The following TRARG1 variants were observed in gnomAD, a reference collection of about 807,000 sequenced individuals.
TRARG1 encodes trafficking regulator of GLUT4 (SLC2A4) 1 (gene/pseudogene).
In TRARG1, 16 loss-of-function variants were observed where a neutral mutation model predicts 13.3. That is an observed-to-expected ratio of 1.20 (90% CI 0.81 to 1.83). The LOEUF is 1.83. TRARG1 is among the 40% of genes most tolerant of loss of function. The pLI, the probability that TRARG1 is intolerant of heterozygous loss-of-function variation, is 0.00. For synonymous variants in TRARG1, 113 were observed against 106.2 expected (o/e 1.06, Z -0.39); for missense variants, 250 against 237.4 (o/e 1.05, Z -0.35).
chr17:1,282,284 A>ACATATATGTACGTATATGTACATATGCG (rs1555630865), intron 1 of TRARG1, among the ~76,000 whole-genome samples: 48 of 139,780 alleles, frequency 3.4e-4, no homozygotes, highest in Admixed American at 6.8e-4. Flanking sequence ...ACGTATATGT[A>ACATATATGTACGTATATGTACATATGCG]CATATATGTA....
rs551771686 is a variant in TRARG1 at position 1,295,672 on chromosome 17, G to A, written c.520+49G>A. Reference sequence around the variant, plus strand: ...GAGGAAGCCAGCTTGCCTGGTGTGAGGACTGCTCAAGGGTGTACCCAGCCT... The same window carrying A: ...GAGGAAGCCAGCTTGCCTGGTGTGAAGACTGCTCAAGGGTGTACCCAGCCT... On this transcript the variant is annotated intron_variant, in intron 2 of 2. Coordinates refer to ENST00000333813, the MANE Select transcript of TRARG1 (RefSeq NM_172367.3). 2.3e-5 allele frequency: 37 copies of A among 1,580,292 alleles called. 1 individual carries two copies. The African/African-American group carries it at 4.7e-4, about 20-fold the overall frequency.
Position 1,279,880 on chromosome 17 carries a change from T to C in TRARG1, c.-122T>C, listed in dbSNP as rs140037375. ...AGCACCCAGCCGGCCCTCCGTCTCCTGAGGGACGCCCCTGCCCCCGACCTG... is the reference window on the plus strand; with the variant it reads ...AGCACCCAGCCGGCCCTCCGTCTCCCGAGGGACGCCCCTGCCCCCGACCTG... On this transcript the variant is annotated 5_prime_UTR_variant, in exon 1 of 3. Coordinates refer to ENST00000333813, the MANE Select transcript of TRARG1 (RefSeq NM_172367.3). The C allele has an allele frequency of 0.022, 26,969 of 1,208,472 alleles. 369 individuals carry two copies. Among genetic ancestry groups the C allele is most frequent in the Non-Finnish European group, 0.025 (22,398 of 883,598 alleles). The allele number at this position is 1,208,472 out of a possible 1,614,324, so 74.9% of individuals were successfully genotyped here. A position where few individuals can be genotyped will look rare whatever the true frequency, so the allele number is the denominator to read the frequency against.
At position 1,298,231 on chromosome 17, in the gene TRARG1, T is replaced by A. The variant is rs551237563; in HGVS notation, c.521-20T>A. 4 of 1,613,830 alleles carry A rather than the reference T, an allele frequency of 2.5e-6. No homozygotes were observed. In the African/African-American group the frequency reaches 5.3e-5, roughly 22 times the overall value. The stretch of plus-strand genomic sequence containing the variant: ...GTGTTCTGAGCCCTGTTCTGCCATA[T>A]CTGTTTTTTTTCTTTACAGTTCAGA... On this transcript the variant is annotated intron_variant, in intron 2 of 2. Coordinates refer to ENST00000333813, the MANE Select transcript of TRARG1 (RefSeq NM_172367.3).
chr17:1,288,833 G>A (rs1405191331), intron 1 of TRARG1, among the ~76,000 whole-genome samples: 1 of 12,594 alleles, frequency 7.9e-5, no homozygotes, highest in South Asian at 3.4e-3. Flanking sequence ...CATCCCCCAC[G>A]GGTTCCCCAT....
intron 1 of TRARG1, among the ~76,000 whole-genome samples, chr17:1,289,580 C>T (rs1479849753): frequency 7.3e-5 from 11 of 151,114 alleles, no homozygotes; most frequent in Non-Finnish European, 1.6e-4. Flanking sequence ...CCTTCTTTCC[C>T]ATCTTGTGCT....
At chr17:1,288,779 G>A (rs111219128) in intron 1 of TRARG1, among the ~76,000 whole-genome samples, 24 of 23,552 alleles carry the variant, frequency 1.0e-3, no homozygotes, top group African/African-American at 4.8e-3. Flanking sequence ...CATCCCCCAC[G>A]GGCTCCCCAT....
rs1297882436 is a variant in TRARG1 at position 1,298,892 on chromosome 17, C to T, written c.*628C>T. On this transcript the variant is annotated 3_prime_UTR_variant, in exon 3 of 3. Coordinates refer to ENST00000333813, the MANE Select transcript of TRARG1 (RefSeq NM_172367.3). ...AGGAGGCAACTGCCTCACTTAACAT[C>T]CTCCGCTGCAAGGTGGTGGCGCCGA... is the stretch of plus-strand genomic sequence containing the variant. 3 of 152,396 alleles carry T rather than the reference C, an allele frequency of 2.0e-5. No homozygotes were observed. Among genetic ancestry groups the T allele is most frequent in the African/African-American group, 7.2e-5 (3 of 41,468 alleles). The allele number at this position is 152,396 out of a possible 1,614,324, so 9.4% of individuals were successfully genotyped here. A position where few individuals can be genotyped will look rare whatever the true frequency, so the allele number is the denominator to read the frequency against.
chr17:1,296,433 T>C (rs1384589063), intron 2 of TRARG1, among the ~76,000 whole-genome samples: 1 of 150,994 alleles, frequency 6.6e-6, no homozygotes, highest in Non-Finnish European at 1.5e-5. Context: ...GACCTCAGGT[T>C]ATCCACCCAC....
chr17:1,282,276 G>GTATATGTACATATGCGTA (rs1555630861), intron 1 of TRARG1, among the ~76,000 whole-genome samples: 3,973 of 62,858 alleles, frequency 0.063, 233 homozygotes, highest in East Asian at 0.11. Context: ...ATATATGCAC[G>GTATATGTACATATGCGTA]TATATGTACA....
In TRARG1 at chr17:1,279,820, C is replaced by A; in HGVS notation, c.-182C>A. 1 of 630,598 alleles carries A rather than the reference C, an allele frequency of 1.6e-6. No homozygotes were observed. The highest frequency in any genetic ancestry group is 2.6e-6 in the Non-Finnish European group (1 of 386,860). 39.1% of individuals were successfully genotyped at this position (630,598 alleles called of 1,614,324 possible). A position where few individuals can be genotyped will look rare whatever the true frequency, so the allele number is the denominator to read the frequency against. ...CAGCAGGCAGGCCCCAGCCTCTGAA[C>A]TCAGCTGGCTTGAGAAGCTCAGCCC... On this transcript the variant is annotated 5_prime_UTR_variant, in exon 1 of 3. Coordinates refer to ENST00000333813, the MANE Select transcript of TRARG1 (RefSeq NM_172367.3).
intron 1 of TRARG1, among the ~76,000 whole-genome samples, chr17:1,289,715 CT>C (rs1220938943): frequency 3.3e-5 from 5 of 151,812 alleles, no homozygotes; most frequent in Admixed American, 1.3e-4. Context: ...GACCTTTCCT[CT>C]TTCCATCTGC....
At chr17:1,288,108 C>T (rs1401857502) in intron 1 of TRARG1, among the ~76,000 whole-genome samples, 1 of 151,978 alleles carries the variant, frequency 6.6e-6, no homozygotes, top group Non-Finnish European at 1.5e-5. Context: ...TTGCAGCTCT[C>T]TTCCTCTCCC....
Position 1,298,379 on chromosome 17 carries a change from C to A in TRARG1, c.*115C>A. On this transcript the variant is annotated 3_prime_UTR_variant, in exon 3 of 3. Coordinates refer to ENST00000333813, the MANE Select transcript of TRARG1 (RefSeq NM_172367.3). ...GTCAAGCATCCCCTGTCCCCAAGTT[C>A]CAAAAGCACAGACTCAAAGGGAAAC... is the stretch of plus-strand genomic sequence containing the variant. 8.4e-7 allele frequency: 1 copy of A among 1,192,608 alleles called. No individual in the cohort carries two copies. The highest frequency in any genetic ancestry group is 1.2e-6 in the Non-Finnish European group (1 of 839,234). 73.9% of individuals were successfully genotyped at this position (1,192,608 alleles called of 1,614,324 possible).
Position 1,300,401 on chromosome 17 carries a change from T to C in TRARG1, c.*2137T>C, listed in dbSNP as rs1050030375. 4.6e-5 allele frequency: 7 copies of C among 152,092 alleles called. No individual in the cohort carries two copies. The highest frequency in any genetic ancestry group is 1.5e-4 in the African/African-American group (6 of 41,322). 9.4% of individuals were successfully genotyped at this position (152,092 alleles called of 1,614,324 possible). A position where few individuals can be genotyped will look rare whatever the true frequency, so the allele number is the denominator to read the frequency against. The stretch of plus-strand genomic sequence containing the variant: ...CTAGGTGCCCTCGGAGTGCCACACA[T>C]GCCCAGACCTTCTCACACCCACACA... On this transcript the variant is annotated 3_prime_UTR_variant, in exon 3 of 3. Coordinates refer to ENST00000333813, the MANE Select transcript of TRARG1 (RefSeq NM_172367.3).
At position 1,296,440 on chromosome 17, in the gene TRARG1, C is replaced by T. The variant is rs555761973; in HGVS notation, c.520+817C>T. Among the ~76,000 whole-genome samples the T allele has an allele frequency of 4.6e-5, 7 of 151,930 alleles. No homozygotes were observed. In the South Asian group the frequency reaches 1.5e-3, roughly 32 times the overall value. ...GAACTCCTGACCTCAGGTTATCCAC[C>T]CACCTTGGCCGCCTAAAATGCTGGG... On this transcript the variant is annotated intron_variant, in intron 2 of 2. Coordinates refer to ENST00000333813, the MANE Select transcript of TRARG1 (RefSeq NM_172367.3).
intron 1 of TRARG1, among the ~76,000 whole-genome samples, chr17:1,286,568 G>A (rs71357179): frequency 0.16 from 15,748 of 97,374 alleles, 1,577 homozygotes; most frequent in African/African-American, 0.3. Flanking sequence ...GTGGGGTGTT[G>A]TCAGCCTGTG....
chr17:1,281,751 G>A (rs1042802543), intron 1 of TRARG1, among the ~76,000 whole-genome samples: 2 of 152,112 alleles, frequency 1.3e-5, no homozygotes, highest in African/African-American at 4.8e-5. Flanking sequence ...CCCAGGAGGG[G>A]AAACTGGATT....
intron 2 of TRARG1, among the ~76,000 whole-genome samples, chr17:1,297,100 T>C (rs1168250426): frequency 2.0e-5 from 3 of 152,202 alleles, no homozygotes; most frequent in Admixed American, 2.0e-4. Context: ...CCCATTTCAA[T>C]GAACCCTAAG....
chr17:1,300,254 G>A lies in TRARG1; in HGVS notation c.*1990G>A, dbSNP rs1356608119. ...AGGCTCTGGCTCTGGAAGGAGGGATGATGAGTGGGCGTTTTCCCGGCAGGC... is the reference window on the plus strand; with the variant it reads ...AGGCTCTGGCTCTGGAAGGAGGGATAATGAGTGGGCGTTTTCCCGGCAGGC... On this transcript the variant is annotated 3_prime_UTR_variant, in exon 3 of 3. Transcript: ENST00000333813. 1.3e-5 allele frequency: 2 copies of A among 152,308 alleles called. No individual in the cohort carries two copies. Among genetic ancestry groups the A allele is most frequent in the Non-Finnish European group, 2.9e-5 (2 of 68,102 alleles). 9.4% of individuals were successfully genotyped at this position (152,308 alleles called of 1,614,324 possible). A position where few individuals can be genotyped will look rare whatever the true frequency, so the allele number is the denominator to read the frequency against.
Sources: gnomAD v4.1 joint callset for allele counts (sites outside exome capture counted in the v4.1 genomes callset) on GRCh38, gnomAD v4.1.1 for gene constraint, MANE v1.5 for transcripts, NCBI Gene and HGNC (gene_info 2026-07-23, HGNC 2026-07-21) for gene names.